Variants in AGBL1 observed in about 807,000 individuals in gnomAD.
The protein encoded by AGBL1 is cytosolic carboxypeptidase 4.
Under a neutral mutation model 118.9 loss-of-function variants are expected in AGBL1, and 130 were observed. The observed-to-expected ratio is 1.09, with a 90% CI of 0.95 to 1.26. AGBL1 has a LOEUF of 1.26. Ranked by LOEUF, AGBL1 falls within the 50% of genes most tolerant of loss-of-function variation. The probability of loss-of-function intolerance (pLI) is 0.00; values close to 1 mark genes in which losing one functional copy is unlikely to be tolerated. For synonymous variants in AGBL1, 555 were observed against 478.9 expected (o/e 1.16, Z -2.08); for missense variants, 1,584 against 1,298.1 (o/e 1.22, Z -3.38).
At chr15:86,845,957 C>T (rs1467915941) in intron 22 of AGBL1, among the ~76,000 whole-genome samples, 3 of 152,190 alleles carry the variant, frequency 2.0e-5, no homozygotes, top group Non-Finnish European at 2.9e-5. Context: ...AACTTACCTT[C>T]TTCCCTCTTG....
chr15:86,186,490 T>C (rs16949156), intron 5 of AGBL1, among the ~76,000 whole-genome samples: 7,809 of 152,322 alleles, frequency 0.051, 360 homozygotes, highest in African/African-American at 0.12. Flanking sequence ...AGATTGTTTG[T>C]TCTTTTGTGC....
intron 18 of AGBL1, among the ~76,000 whole-genome samples, chr15:86,432,773 AT>A (rs531073465): frequency 6.6e-6 from 1 of 152,080 alleles, no homozygotes. Flanking sequence ...TTTGGGTTTA[AT>A]TTTTTTCTTG....
intron 18 of AGBL1, among the ~76,000 whole-genome samples, chr15:86,404,696 G>T (rs2142000923): frequency 6.6e-6 from 1 of 152,290 alleles, no homozygotes; most frequent in African/African-American, 2.4e-5. Flanking sequence ...AGTCTCATTT[G>T]TTTCTTGAGC....
intron 22 of AGBL1, among the ~76,000 whole-genome samples, chr15:86,690,698 C>T (rs1161083280): frequency 6.6e-6 from 1 of 152,206 alleles, no homozygotes; most frequent in Admixed American, 6.5e-5. Flanking sequence ...ATGCTGAAGG[C>T]ACTGAATTAT....
chr15:86,130,321 T>A (rs989229305), intron 1 of AGBL1, among the ~76,000 whole-genome samples: 1 of 152,156 alleles, frequency 6.6e-6, no homozygotes, highest in African/African-American at 2.4e-5. Flanking sequence ...TTCTTTTTTT[T>A]TAAATTTTAT....
intron 15 of AGBL1, among the ~76,000 whole-genome samples, chr15:86,277,979 G>T (rs1341341401): frequency 6.6e-6 from 1 of 152,204 alleles, no homozygotes; most frequent in Non-Finnish European, 1.5e-5. Flanking sequence ...TGTTCAGCAA[G>T]GTGTAAACTG....
intron 21 of AGBL1, among the ~76,000 whole-genome samples, chr15:86,569,657 C>T (rs76541746): frequency 0.037 from 5,701 of 152,176 alleles, 374 homozygotes; most frequent in African/African-American, 0.13. Context: ...CATTCTGTTA[C>T]CCTCAGTTCT....
intron 21 of AGBL1, among the ~76,000 whole-genome samples, chr15:86,650,042 T>G (rs868520119): frequency 1.3e-5 from 2 of 152,200 alleles, no homozygotes; most frequent in Non-Finnish European, 2.9e-5. Flanking sequence ...TTCAGCATTC[T>G]TTTATGGACA....
chr15:86,725,292 A>C (rs1253852066), intron 22 of AGBL1, among the ~76,000 whole-genome samples: 1 of 152,206 alleles, frequency 6.6e-6, no homozygotes, highest in African/African-American at 2.4e-5. Context: ...AAACTAATGC[A>C]CAGAGACATG....
At chr15:86,665,435 G>A (rs191368995) in intron 21 of AGBL1, among the ~76,000 whole-genome samples, 2 of 152,224 alleles carry the variant, frequency 1.3e-5, no homozygotes, top group Non-Finnish European at 2.9e-5. Context: ...ATGATTTGGG[G>A]CTGAGAGTAA....
chr15:86,318,954 A>G (rs1418982498), intron 17 of AGBL1, among the ~76,000 whole-genome samples: 1 of 152,158 alleles, frequency 6.6e-6, no homozygotes, highest in African/African-American at 2.4e-5. Context: ...TTAAATGATC[A>G]GTTTTCCCCG....
chr15:86,414,778 C>T (rs1237267500), intron 18 of AGBL1, among the ~76,000 whole-genome samples: 1 of 152,104 alleles, frequency 6.6e-6, no homozygotes, highest in African/African-American at 2.4e-5. Context: ...AATGTTTCCC[C>T]AGGCTTTTAA....
chr15:86,650,219 A>G (rs545415463), intron 21 of AGBL1, among the ~76,000 whole-genome samples: 1 of 152,250 alleles, frequency 6.6e-6, no homozygotes, highest in East Asian at 1.9e-4. Flanking sequence ...TTAGCTTGGT[A>G]CACGGCCACC....
intron 7 of AGBL1, among the ~76,000 whole-genome samples, chr15:86,254,024 C>T (rs999686362): frequency 2.6e-5 from 4 of 152,084 alleles, no homozygotes; most frequent in Non-Finnish European, 4.4e-5. Context: ...AGGAGATGTT[C>T]GTGGCTTTGG....
At chr15:86,826,816 C>A (rs1035372097) in intron 22 of AGBL1, among the ~76,000 whole-genome samples, 3 of 151,986 alleles carry the variant, frequency 2.0e-5, no homozygotes, top group Non-Finnish European at 4.4e-5. Context: ...GAAATAATCT[C>A]CCTAAGACAA....
chr15:86,396,272 C>T (rs1423008627), intron 17 of AGBL1, among the ~76,000 whole-genome samples: 8 of 147,260 alleles, frequency 5.4e-5, no homozygotes, highest in East Asian at 2.0e-4. Context: ...TACACACACA[C>T]GTCAGTAAAT....
intron 19 of AGBL1, among the ~76,000 whole-genome samples, chr15:86,527,690 G>T (rs555178139): frequency 3.7e-4 from 57 of 152,220 alleles, no homozygotes; most frequent in African/African-American, 1.3e-3. Context: ...GCCACTTTAT[G>T]GTGGCTAGGA....
At chr15:86,187,093 C>G (rs1277747477) in intron 5 of AGBL1, among the ~76,000 whole-genome samples, 1 of 152,146 alleles carries the variant, frequency 6.6e-6, no homozygotes, top group South Asian at 2.1e-4. Flanking sequence ...CAAAAACATC[C>G]AAACTATGCT....
chr15:86,950,776 A>C (rs1360802154), intron 23 of AGBL1, among the ~76,000 whole-genome samples: 1 of 152,046 alleles, frequency 6.6e-6, no homozygotes, highest in African/African-American at 2.4e-5. Context: ...TGAAAAGGCA[A>C]CTCACAAAAG....
Sources: allele counts gnomAD v4.1 joint callset (sites outside exome capture counted in the v4.1 genomes callset), GRCh38; gene constraint gnomAD v4.1.1; transcripts MANE v1.5; gene names NCBI Gene and HGNC (gene_info 2026-07-23, HGNC 2026-07-21).